RALA: variants seen among roughly 807,000 people sequenced by gnomAD.
The protein encoded by RALA is ras-related protein Ral-A.
Under a neutral mutation model 24.0 loss-of-function variants are expected in RALA, and 5 were observed. The ratio of observed to expected loss-of-function variants is 0.21; its 90% CI spans 0.11 to 0.44. The LOEUF (loss-of-function observed/expected upper bound fraction) is 0.44, where lower values mean the gene tolerates loss of function less well. RALA is among the 20% of genes least tolerant of loss of function. The pLI, the probability that RALA is intolerant of heterozygous loss-of-function variation, is 0.99. For missense variants in RALA, 95 were observed against 241.2 expected (o/e 0.39, Z 4.01); for synonymous variants, 77 against 83.8 (o/e 0.92, Z 0.44).
intron 1 of RALA, among the ~76,000 whole-genome samples, chr7:39,653,229 C>T: frequency 6.6e-6 from 1 of 152,086 alleles, no homozygotes; most frequent in Admixed American, 6.5e-5. Flanking sequence ...GGGGTTTCAC[C>T]ATGTTGGTCA....
At position 39,642,664 on chromosome 7, in the gene RALA, G is replaced by C. The variant is rs1362785053; in HGVS notation, c.-38+18839G>C. Reference sequence around the variant, plus strand: ...ATTGTGGAAATCTGCTTCATTTTTGGATGTTTATATTTAAAAATATGTCCT... The same window carrying C: ...ATTGTGGAAATCTGCTTCATTTTTGCATGTTTATATTTAAAAATATGTCCT... On this transcript the variant is annotated intron_variant, in intron 1 of 4. Coordinates refer to ENST00000005257, the MANE Select transcript of RALA (RefSeq NM_005402.4). Among the ~76,000 whole-genome samples, 14 of 152,084 alleles carry C rather than the reference G, an allele frequency of 9.2e-5. 1 individual carries two copies. Among genetic ancestry groups the C allele is most frequent in the Non-Finnish European group, 1.8e-4 (12 of 67,998 alleles).
At chr7:39,632,780 C>G (rs762876346) in intron 1 of RALA, among the ~76,000 whole-genome samples, 2 of 152,178 alleles carry the variant, frequency 1.3e-5, no homozygotes, top group Admixed American at 1.3e-4. Context: ...CATGCCACTG[C>G]ACTCCAGGCT....
chr7:39,628,012 C>G (rs543883431), intron 1 of RALA, among the ~76,000 whole-genome samples: 12 of 151,820 alleles, frequency 7.9e-5, no homozygotes, highest in Non-Finnish European at 1.3e-4. Context: ...TTAGCCTTAT[C>G]TCTCTTCTTG....
intron 1 of RALA, among the ~76,000 whole-genome samples, chr7:39,645,117 A>G (rs941281602): frequency 4.9e-4 from 74 of 152,324 alleles, no homozygotes; most frequent in African/African-American, 1.6e-3. Context: ...GGCTTAAAAT[A>G]TTGAGACTAT....
At chr7:39,635,514 C>G (rs992162384) in intron 1 of RALA, among the ~76,000 whole-genome samples, 2 of 152,118 alleles carry the variant, frequency 1.3e-5, no homozygotes, top group African/African-American at 4.8e-5. Context: ...TTCTTCTGCC[C>G]CTCAGCCCCT....
chr7:39,676,832 G>A (rs1274166169), intron 1 of RALA, among the ~76,000 whole-genome samples: 1 of 152,098 alleles, frequency 6.6e-6, no homozygotes, highest in Non-Finnish European at 1.5e-5. Flanking sequence ...GTCTGGATTG[G>A]AGATCTGTGG....
intron 1 of RALA, among the ~76,000 whole-genome samples, chr7:39,655,505 C>G (rs983077127): frequency 1.3e-5 from 2 of 152,032 alleles, no homozygotes; most frequent in Non-Finnish European, 2.9e-5. Context: ...TAAAGCTGCT[C>G]CAAATATAAT....
chr7:39,668,246 C>G (rs1474551359), intron 1 of RALA, among the ~76,000 whole-genome samples: 2 of 152,170 alleles, frequency 1.3e-5, no homozygotes, highest in South Asian at 2.1e-4. Context: ...AGTTACTGTG[C>G]TAAAGTACAG....
In RALA at chr7:39,623,646, TCTC is replaced by T. The variant is rs1008992438; in HGVS notation, c.-194_-192del. On this transcript the variant is annotated 5_prime_UTR_variant, in exon 1 of 5. Transcript: ENST00000005257. This position sits in a 1 kb window ranked among gnomAD's most constrained non-coding sequence, Gnocchi z 4.9. ...AAAGCGTCGGAGTCCTCCTCCTCCT[TCTC>T]CTCCTCCTCCTCCTCCTCCTCCAGC... 159 of 152,054 alleles carry T rather than the reference TCTC, an allele frequency of 1.0e-3. No homozygotes were observed. Among genetic ancestry groups the T allele is most frequent in the Middle Eastern group, 6.3e-3 (2 of 318 alleles). 9.4% of individuals were successfully genotyped at this position (152,054 alleles called of 1,614,324 possible).
At chr7:39,697,501 C>T (rs1792942868) in intron 4 of RALA, 2 of 456,168 alleles carry the variant, frequency 4.4e-6, no homozygotes, top group Non-Finnish European at 4.4e-6. Context: ...AGACTGCTCA[C>T]TGGGCTGAGG....
intron 4 of RALA, among the ~76,000 whole-genome samples, chr7:39,698,138 G>C (rs1331076128): frequency 6.6e-6 from 1 of 151,906 alleles, no homozygotes; most frequent in Non-Finnish European, 1.5e-5. Context: ...TCACATGACA[G>C]AGAGAGAGAG....
intron 1 of RALA, chr7:39,624,275 C>T (rs551199029): frequency 1.3e-5 from 2 of 151,638 alleles, no homozygotes; most frequent in South Asian, 2.1e-4. Flanking sequence ...AGCATCTCCG[C>T]CAGGGTTTTT....
At chr7:39,637,010 A>G (rs116386243) in intron 1 of RALA, among the ~76,000 whole-genome samples, 1,843 of 152,340 alleles carry the variant, frequency 0.012, 42 homozygotes, top group African/African-American at 0.042. Context: ...TGGTGAGGGC[A>G]CAGAGTCAAA....
chr7:39,685,517 C>T (rs1307212694), intron 1 of RALA, among the ~76,000 whole-genome samples: 4 of 151,990 alleles, frequency 2.6e-5, no homozygotes, highest in South Asian at 4.1e-4. Context: ...TCTCCACACA[C>T]GTTCAGAGTG....
At chr7:39,670,499 A>G (rs1233400809) in intron 1 of RALA, among the ~76,000 whole-genome samples, 1 of 152,216 alleles carries the variant, frequency 6.6e-6, no homozygotes, top group Non-Finnish European at 1.5e-5. Flanking sequence ...GTAAATAAAA[A>G]CATCTATGTA....
intron 1 of RALA, among the ~76,000 whole-genome samples, chr7:39,677,096 T>G (rs1317581617): frequency 6.6e-6 from 1 of 151,966 alleles, no homozygotes; most frequent in African/African-American, 2.4e-5. Flanking sequence ...GAGGAGAAGG[T>G]AGTATGGCCA....
chr7:39,631,234 C>T (rs997081611), intron 1 of RALA, among the ~76,000 whole-genome samples: 2 of 151,856 alleles, frequency 1.3e-5, no homozygotes, highest in Non-Finnish European at 2.9e-5. Flanking sequence ...TCTCAAACTC[C>T]TGGCCTCAAG....
chr7:39,664,864 C>G (rs2116006173), intron 1 of RALA, among the ~76,000 whole-genome samples: 2 of 151,722 alleles, frequency 1.3e-5, no homozygotes, highest in East Asian at 3.9e-4. Context: ...ATCAATGCTT[C>G]TGAACTGGTG....
chr7:39,643,803 G>T (rs1043625941), intron 1 of RALA, among the ~76,000 whole-genome samples: 2 of 152,190 alleles, frequency 1.3e-5, no homozygotes, highest in Non-Finnish European at 2.9e-5. Flanking sequence ...GTTGCAGTGA[G>T]CCAAGATCCA....
Sources: gnomAD v4.1 joint callset for allele counts (sites outside exome capture counted in the v4.1 genomes callset) on GRCh38, gnomAD v4.1.1 for gene constraint, Gnocchi (gnomAD v3.1) non-coding constraint, MANE v1.5 for transcripts, NCBI Gene and HGNC (gene_info 2026-07-23, HGNC 2026-07-21) for gene names.